Variants in CTNNA2 observed in about 807,000 individuals in gnomAD.
CTNNA2 encodes catenin alpha-2.
A neutral mutation model predicts 101.0 loss-of-function variants in CTNNA2; 42 were observed. The ratio of observed to expected loss-of-function variants is 0.42; its 90% confidence interval spans 0.32 to 0.54. The LOEUF (loss-of-function observed/expected upper bound fraction) is 0.54, where lower values mean the gene tolerates loss of function less well. Among genes scored for constraint, CTNNA2 ranks in the 20% least tolerant of loss-of-function variants. The probability of loss-of-function intolerance (pLI) is 0.14; values close to 1 mark genes in which losing one functional copy is unlikely to be tolerated. For synonymous variants in CTNNA2, 450 were observed against 456.4 expected (o/e 0.99, Z 0.18); for missense variants, 871 against 1,223.1 (o/e 0.71, Z 4.29).
At chr2:79,495,662 C>A (rs1558681428) in intron 4 of CTNNA2, among the ~76,000 whole-genome samples, 1 of 152,084 alleles carries the variant, frequency 6.6e-6, no homozygotes, top group Non-Finnish European at 1.5e-5. Flanking sequence ...CAGGTGTTCA[C>A]AGCAGCATTA....
chr2:80,262,426 G>GTA (rs1206056243), intron 7 of CTNNA2, among the ~76,000 whole-genome samples: 1 of 152,160 alleles, frequency 6.6e-6, no homozygotes, highest in African/African-American at 2.4e-5. Context: ...ACAAATTGGT[G>GTA]TATATATATT....
At chr2:79,915,304 CAA>C (rs985320515) in intron 7 of CTNNA2, among the ~76,000 whole-genome samples, 2 of 84,106 alleles carry the variant, frequency 2.4e-5, no homozygotes, top group African/African-American at 1.3e-4. Flanking sequence ...CACACACACA[CAA>C]ACACACACAC....
At chr2:79,624,243 A>T (rs1679170798) in intron 1 of CTNNA2, among the ~76,000 whole-genome samples, 3 of 152,216 alleles carry the variant, frequency 2.0e-5, no homozygotes, top group Admixed American at 1.3e-4. Flanking sequence ...ATTCAGCTGG[A>T]TATGAAAATA....
At chr2:80,483,474 C>T (rs1438983830) in intron 9 of CTNNA2, among the ~76,000 whole-genome samples, 1 of 151,670 alleles carries the variant, frequency 6.6e-6, no homozygotes, top group Non-Finnish European at 1.5e-5. Flanking sequence ...ATTTTAATTA[C>T]ATGATTCAAT....
At chr2:79,295,892 C>T (rs1675966573) in intron 2 of CTNNA2, among the ~76,000 whole-genome samples, 1 of 151,284 alleles carries the variant, frequency 6.6e-6, no homozygotes, top group African/African-American at 2.4e-5. Flanking sequence ...TTTACCTCAA[C>T]AAAATTGTGG....
chr2:79,397,532 A>C (rs79024342), intron 4 of CTNNA2, among the ~76,000 whole-genome samples: 1 of 152,022 alleles, frequency 6.6e-6, no homozygotes, highest in Non-Finnish European at 1.5e-5. Context: ...CATCCTTTCA[A>C]ATCTGAGCAT....
At chr2:80,169,795 A>G (rs1201732828) in intron 7 of CTNNA2, among the ~76,000 whole-genome samples, 1 of 152,214 alleles carries the variant, frequency 6.6e-6, no homozygotes, top group Non-Finnish European at 1.5e-5. Context: ...ACAGTATACA[A>G]AATACATGGG....
intron 1 of CTNNA2, among the ~76,000 whole-genome samples, chr2:79,629,473 A>G (rs1008406695): frequency 6.6e-6 from 1 of 152,140 alleles, no homozygotes; most frequent in Admixed American, 6.5e-5. Flanking sequence ...AACCTTTGCC[A>G]TCGTGGTCCC....
chr2:79,562,841 TA>T (rs1179728532), intron 1 of CTNNA2, among the ~76,000 whole-genome samples: 2 of 151,850 alleles, frequency 1.3e-5, no homozygotes, highest in Non-Finnish European at 2.9e-5. Context: ...AGTTAGATGT[TA>T]AAAAAAGCTG....
intron 7 of CTNNA2, among the ~76,000 whole-genome samples, chr2:80,067,477 G>C (rs1026444580): frequency 6.6e-6 from 1 of 151,972 alleles, no homozygotes; most frequent in Non-Finnish European, 1.5e-5. Flanking sequence ...TTATTCTGGT[G>C]TGATTTGTTT....
chr2:80,391,156 A>G (rs1461086303), intron 7 of CTNNA2, among the ~76,000 whole-genome samples: 2 of 150,920 alleles, frequency 1.3e-5, no homozygotes, highest in East Asian at 3.9e-4. Flanking sequence ...AAAAGTATGT[A>G]TTACATTAAA....
chr2:80,557,853 CT>C, intron 12 of CTNNA2, among the ~76,000 whole-genome samples: 1 of 152,228 alleles, frequency 6.6e-6, no homozygotes, highest in African/African-American at 2.4e-5. Flanking sequence ...GATTTTTCTA[CT>C]TTTAAAAAAA....
chr2:79,700,079 G>A (rs1684904467), intron 2 of CTNNA2, among the ~76,000 whole-genome samples: 2 of 151,816 alleles, frequency 1.3e-5, no homozygotes, highest in Non-Finnish European at 2.9e-5. Context: ...TTTTGCTGAA[G>A]ACAGGGACAC....
chr2:79,266,274 T>C (rs918879794), intron 2 of CTNNA2, among the ~76,000 whole-genome samples: 1 of 152,056 alleles, frequency 6.6e-6, no homozygotes, highest in African/African-American at 2.4e-5. Flanking sequence ...TAGGATCAGC[T>C]CCCAAGCAGT....
Position 80,326,811 on chromosome 2 carries a change from TA to T in CTNNA2, c.1057-66391del, listed in dbSNP as rs142037920. 6.0e-5 allele frequency among the ~76,000 whole-genome samples: 9 copies of T among 151,192 alleles called. No individual in the cohort carries two copies. In the East Asian group the frequency reaches 9.7e-4, roughly 16 times the overall value. On this transcript the variant is annotated intron_variant, in intron 7 of 18. Coordinates refer to ENST00000402739, the MANE Select transcript of CTNNA2 (RefSeq NM_001282597.3). ...TGATTAGATTATCTGAGTTACTGGC[TA>T]AAAAAAAAGAGCAGTGTCAGATTTC...
intron 2 of CTNNA2, among the ~76,000 whole-genome samples, chr2:79,274,928 C>T (rs1020121737): frequency 6.6e-6 from 1 of 151,964 alleles, no homozygotes; most frequent in African/African-American, 2.4e-5. Context: ...GAATCCCTCA[C>T]CCGCATCAAG....
chr2:79,648,525 G>A (rs952598688), intron 1 of CTNNA2, among the ~76,000 whole-genome samples: 5 of 152,120 alleles, frequency 3.3e-5, no homozygotes, highest in Admixed American at 1.3e-4. Context: ...TTTACAAGTA[G>A]CAGGACATGC....
At chr2:80,443,084 C>T (rs1220830103) in intron 9 of CTNNA2, among the ~76,000 whole-genome samples, 1 of 152,176 alleles carries the variant, frequency 6.6e-6, no homozygotes, top group Non-Finnish European at 1.5e-5. Context: ...GAGGTATTAA[C>T]AACCAAACTG....
At chr2:80,579,993 C>G (rs908983905) in intron 13 of CTNNA2, among the ~76,000 whole-genome samples, 6 of 152,340 alleles carry the variant, frequency 3.9e-5, no homozygotes, top group Non-Finnish European at 8.8e-5. Context: ...TGTGGAAGAC[C>G]ATCACCTGTC....
Sources: gnomAD v4.1 joint callset for allele counts (sites outside exome capture counted in the v4.1 genomes callset) on GRCh38, gnomAD v4.1.1 for gene constraint, MANE v1.5 for transcripts, NCBI Gene and HGNC (gene_info 2026-07-23, HGNC 2026-07-21) for gene names.